TNIK: variants seen among roughly 807,000 people sequenced by gnomAD.
The protein encoded by TNIK is TRAF2 and NCK-interacting protein kinase.
A neutral mutation model predicts 191.3 loss-of-function variants in TNIK; 49 were observed. The observed-to-expected ratio is 0.26, with a 90% CI of 0.20 to 0.32. TNIK has a LOEUF of 0.32. TNIK is among the 10% of genes least tolerant of loss of function. The pLI, the probability that TNIK is intolerant of heterozygous loss-of-function variation, is 1.00. For synonymous variants in TNIK, 594 were observed against 600.9 expected (o/e 0.99, Z 0.17); for missense variants, 1,155 against 1,702.3 (o/e 0.68, Z 5.66).
intron 2 of TNIK, among the ~76,000 whole-genome samples, chr3:171,292,115 T>C (rs933085915): frequency 6.6e-6 from 1 of 152,200 alleles, no homozygotes; most frequent in Non-Finnish European, 1.5e-5. Flanking sequence ...AAATTCCCTA[T>C]ATTTTCACTT....
At chr3:171,294,213 A>G (rs952976252) in intron 2 of TNIK, among the ~76,000 whole-genome samples, 5 of 151,128 alleles carry the variant, frequency 3.3e-5, no homozygotes, top group African/African-American at 1.2e-4. Context: ...TGGGTAACAG[A>G]GTGAGACTCT....
chr3:171,315,959 T>C (rs1754553029), intron 2 of TNIK, among the ~76,000 whole-genome samples: 1 of 152,144 alleles, frequency 6.6e-6, no homozygotes, highest in African/African-American at 2.4e-5. Flanking sequence ...TACAAACTCA[T>C]GACACAGGGC....
intron 2 of TNIK, among the ~76,000 whole-genome samples, chr3:171,295,740 G>C (rs1054765771): frequency 1.8e-4 from 28 of 152,202 alleles, no homozygotes; most frequent in Admixed American, 9.2e-4. Flanking sequence ...GCAATGTGTG[G>C]CCACCACAGA....
intron 2 of TNIK, among the ~76,000 whole-genome samples, chr3:171,292,549 G>A (rs1368943797): frequency 6.6e-6 from 1 of 152,100 alleles, no homozygotes; most frequent in Non-Finnish European, 1.5e-5. Context: ...GGCCCAGGCG[G>A]GCGGAACATG....
At chr3:171,242,008 C>G (rs1745046889) in intron 2 of TNIK, among the ~76,000 whole-genome samples, 1 of 151,002 alleles carries the variant, frequency 6.6e-6, no homozygotes. Flanking sequence ...CACACCGGGG[C>G]CTGTTGTGGG....
At chr3:171,284,700 A>G (rs1002395577) in intron 2 of TNIK, among the ~76,000 whole-genome samples, 2 of 152,194 alleles carry the variant, frequency 1.3e-5, no homozygotes, top group Non-Finnish European at 2.9e-5. Context: ...TTCCCTCAAA[A>G]TTGCACATTA....
intron 2 of TNIK, among the ~76,000 whole-genome samples, chr3:171,240,644 C>G (rs934846834): frequency 5.3e-5 from 8 of 152,144 alleles, no homozygotes; most frequent in African/African-American, 1.9e-4. Flanking sequence ...ATGTCTCTTC[C>G]TTCTGCCACA....
At chr3:171,233,586 C>T (rs951727002) in intron 2 of TNIK, among the ~76,000 whole-genome samples, 1 of 152,132 alleles carries the variant, frequency 6.6e-6, no homozygotes, top group African/African-American at 2.4e-5. Context: ...AGCCACCTCA[C>T]CCAAGGTCAT....
chr3:171,115,452 CTGTA>C (rs1369459535), intron 18 of TNIK, among the ~76,000 whole-genome samples: 1 of 152,196 alleles, frequency 6.6e-6, no homozygotes, highest in African/African-American at 2.4e-5. Flanking sequence ...CATGGCAAAA[CTGTA>C]TGTTGTGTAT....
At chr3:171,097,070 T>C (rs1427950032) in intron 22 of TNIK, among the ~76,000 whole-genome samples, 1 of 152,180 alleles carries the variant, frequency 6.6e-6, no homozygotes, top group Non-Finnish European at 1.5e-5. Flanking sequence ...AAAAAATCTA[T>C]TCAGATATAT....
At chr3:171,259,990 G>A (rs1747390172) in intron 2 of TNIK, among the ~76,000 whole-genome samples, 1 of 152,102 alleles carries the variant, frequency 6.6e-6, no homozygotes, top group African/African-American at 2.4e-5. Context: ...GCCCATCTAT[G>A]CACTTCCTTG....
At chr3:171,092,704 C>T (rs535770362) in intron 23 of TNIK, among the ~76,000 whole-genome samples, 1 of 152,332 alleles carries the variant, frequency 6.6e-6, no homozygotes, top group Admixed American at 6.5e-5. Context: ...GTGAACTAGT[C>T]TTCCAGTTAT....
intron 2 of TNIK, among the ~76,000 whole-genome samples, chr3:171,274,465 C>G (rs1360140672): frequency 1.3e-5 from 2 of 152,022 alleles, no homozygotes; most frequent in Non-Finnish European, 2.9e-5. Context: ...TTCTACAGCC[C>G]CTTGAGTCTC....
rs530787942 is a variant in TNIK, at chr3:171,385,650, T to G, written c.58-15965A>C. Among the ~76,000 whole-genome samples the G allele has an allele frequency of 7.3e-4, 111 of 152,292 alleles. 1 individual carries two copies. Among genetic ancestry groups the G allele is most frequent in the African/African-American group, 2.6e-3 (107 of 41,562 alleles). ...CTTTAAAATACCTGCAGGATTTGGG[T>G]ACACAGACAGAGATATCAGTAGAGG... On this transcript the variant is annotated intron_variant, in intron 1 of 32. Transcript: ENST00000436636.
At chr3:171,169,066 C>G (rs73171505) in intron 9 of TNIK, among the ~76,000 whole-genome samples, 9,946 of 152,068 alleles carry the variant, frequency 0.065, 434 homozygotes, top group African/African-American at 0.11. Context: ...AAGGACACTC[C>G]TAAGGAATGA....
At chr3:171,210,737 GA>G (rs1740702990) in intron 4 of TNIK, among the ~76,000 whole-genome samples, 1 of 149,426 alleles carries the variant, frequency 6.7e-6, no homozygotes, top group African/African-American at 2.5e-5. Flanking sequence ...CATCATTCAA[GA>G]AATTAGGGAA....
chr3:171,143,525 AG>A (rs1275386065), intron 12 of TNIK, among the ~76,000 whole-genome samples: 1 of 152,206 alleles, frequency 6.6e-6, no homozygotes, highest in Non-Finnish European at 1.5e-5. Flanking sequence ...AAGAAACTTG[AG>A]GGAAAAGACA....
intron 18 of TNIK, 87 bp downstream of exon 18, chr3:171,123,509 A>T (rs949375244): frequency 1.6e-5 from 18 of 1,159,876 alleles, no homozygotes; most frequent in Admixed American, 8.9e-5. Context: ...CTGAAGAGAA[A>T]AAAGAACACA....
At chr3:171,088,320 T>C (rs895241221) in intron 23 of TNIK, among the ~76,000 whole-genome samples, 10 of 151,780 alleles carry the variant, frequency 6.6e-5, no homozygotes, top group East Asian at 5.8e-4. Context: ...CTGCAACCTC[T>C]GCATCCCAGG....
Sources: gnomAD v4.1 joint callset for allele counts (sites outside exome capture counted in the v4.1 genomes callset) on GRCh38, gnomAD v4.1.1 for gene constraint, MANE v1.5 for transcripts, NCBI Gene and HGNC (gene_info 2026-07-23, HGNC 2026-07-21) for gene names.